TSPAN12: variants seen among roughly 807,000 people sequenced by gnomAD.
TSPAN12 encodes tetraspanin 12.
In TSPAN12, 19 loss-of-function variants were observed where a neutral mutation model predicts 39.2. That is an observed-to-expected ratio of 0.49 (90% CI 0.34 to 0.71). TSPAN12 has a LOEUF of 0.71. Among genes scored for constraint, TSPAN12 ranks in the 30% least tolerant of loss-of-function variants. The probability of loss-of-function intolerance (pLI) is 0.01; values close to 1 mark genes in which losing one functional copy is unlikely to be tolerated. For synonymous variants in TSPAN12, 119 were observed against 124.8 expected (o/e 0.95, Z 0.31); for missense variants, 314 against 359.9 (o/e 0.87, Z 1.03).
intron 4 of TSPAN12, among the ~76,000 whole-genome samples, chr7:120,816,584 T>G (rs1794087806): frequency 6.6e-6 from 1 of 152,068 alleles, no homozygotes; most frequent in Non-Finnish European, 1.5e-5. Context: ...CAGATCCATC[T>G]AGCTGGAGTG....
At chr7:120,831,845 T>C (rs1218947059) in intron 4 of TSPAN12, among the ~76,000 whole-genome samples, 3 of 152,056 alleles carry the variant, frequency 2.0e-5, no homozygotes, top group Non-Finnish European at 4.4e-5. Context: ...AATAAGTGGA[T>C]GCAGTGGATA....
chr7:120,800,962 G>C (rs1307158959), intron 7 of TSPAN12, among the ~76,000 whole-genome samples: 1 of 151,788 alleles, frequency 6.6e-6, no homozygotes, highest in African/African-American at 2.4e-5. Context: ...GCTAATTTTT[G>C]TATTTTTAGT....
intron 2 of TSPAN12, among the ~76,000 whole-genome samples, chr7:120,843,871 T>C (rs1794622799): frequency 6.6e-6 from 1 of 152,180 alleles, no homozygotes; most frequent in East Asian, 1.9e-4. Flanking sequence ...CCTTAAAACC[T>C]TGTAAGTATC....
chr7:120,843,100 C>G (rs1390476744), intron 2 of TSPAN12, among the ~76,000 whole-genome samples: 1 of 151,912 alleles, frequency 6.6e-6, no homozygotes, highest in African/African-American at 2.4e-5. Flanking sequence ...AGTCAATGGC[C>G]TATAAGTTAG....
chr7:120,840,519 G>C (rs986933797), intron 2 of TSPAN12, among the ~76,000 whole-genome samples: 1 of 152,040 alleles, frequency 6.6e-6, no homozygotes, highest in African/African-American at 2.4e-5. Context: ...AATTTAAAAC[G>C]ACTTCTATTG....
rs1040007601 is a variant in TSPAN12, at chr7:120,810,089, T to A, written c.468+374A>T. On this transcript the variant is annotated intron_variant, in intron 6 of 7. Transcript: ENST00000222747. ...CCCAAATGAGAACAATCATTTTTTT[T>A]AAAACTAAAATTATGTTTAAAATAT... Among the ~76,000 whole-genome samples the A allele has an allele frequency of 3.3e-5, 5 of 152,256 alleles. No homozygotes were observed. In the East Asian group the frequency reaches 5.8e-4, roughly 18 times the overall value.
intron 7 of TSPAN12, among the ~76,000 whole-genome samples, chr7:120,790,307 G>A (rs747835573): frequency 6.4e-4 from 98 of 152,288 alleles, no homozygotes; most frequent in Middle Eastern, 3.4e-3. Context: ...TTTGGGGCAA[G>A]TTACTTAATC....
intron 2 of TSPAN12, among the ~76,000 whole-genome samples, chr7:120,847,513 T>G (rs1394071227): frequency 1.3e-5 from 2 of 152,220 alleles, no homozygotes; most frequent in Non-Finnish European, 2.9e-5. Flanking sequence ...AAAACCTGTA[T>G]GTCCCTCCCA....
At chr7:120,825,713 C>T (rs1030254545) in intron 4 of TSPAN12, among the ~76,000 whole-genome samples, 5 of 152,058 alleles carry the variant, frequency 3.3e-5, no homozygotes, top group African/African-American at 1.2e-4. Context: ...AATTCCATTG[C>T]CAAATATTTG....
At chr7:120,832,090 G>A (rs1794400514) in intron 4 of TSPAN12, among the ~76,000 whole-genome samples, 1 of 151,934 alleles carries the variant, frequency 6.6e-6, no homozygotes, top group Non-Finnish European at 1.5e-5. Context: ...CTGATGTCAA[G>A]CAATACAAAC....
chr7:120,842,526 T>C (rs1794597983), intron 2 of TSPAN12, among the ~76,000 whole-genome samples: 1 of 147,212 alleles, frequency 6.8e-6, no homozygotes, highest in Non-Finnish European at 1.5e-5. Context: ...TCCTGAGAGG[T>C]AAGAGCTGGG....
intron 5 of TSPAN12, chr7:120,814,140 A>T: frequency 6.6e-6 from 3 of 454,112 alleles, no homozygotes; most frequent in Non-Finnish European, 1.3e-5. Context: ...AGTATTCAAA[A>T]CAGTCTCGAA....
chr7:120,844,228 T>C (rs1794630759), intron 2 of TSPAN12, among the ~76,000 whole-genome samples: 1 of 152,152 alleles, frequency 6.6e-6, no homozygotes. Context: ...TCCACAACAC[T>C]GAGGATCACA....
chr7:120,845,361 T>C (rs1794651079), intron 2 of TSPAN12, among the ~76,000 whole-genome samples: 1 of 152,248 alleles, frequency 6.6e-6, no homozygotes, highest in Admixed American at 6.5e-5. Context: ...GCAGCCAGTT[T>C]GAATTCCTTT....
chr7:120,806,625 T>A lies in TSPAN12; in HGVS notation c.536A>T (p.Asp179Val). The change falls in exon 7 of 8, where the codon GAT becomes GTT. Residue 179 changes from aspartate (D) to valine (V), a missense_variant. By Grantham distance (152) the Asp-to-Val change is radical. Transcript: ENST00000222747. ...TGGGAATTCTCTAACACAGCAGGAA[T>A]CTGGGGGCCAGTCCATCTCTGTCAT... is the stretch of plus-strand genomic sequence containing the variant. ...LEMTEMDWPP[D>V]SCCVREFPGC... is the part of the protein sequence containing the mutation. 1 of 1,613,618 alleles carries A rather than the reference T, an allele frequency of 6.2e-7. No individual in the cohort carries two copies. The highest frequency in any genetic ancestry group is 8.5e-7 in the Non-Finnish European group (1 of 1,179,672).
intron 7 of TSPAN12, among the ~76,000 whole-genome samples, chr7:120,791,345 T>C (rs1182684894): frequency 6.6e-6 from 1 of 151,820 alleles, no homozygotes; most frequent in Non-Finnish European, 1.5e-5. Context: ...AAAAAAGATT[T>C]AGAGGTAAAC....
intron 2 of TSPAN12, among the ~76,000 whole-genome samples, chr7:120,852,562 C>G (rs571144848): frequency 6.6e-6 from 1 of 152,308 alleles, no homozygotes; most frequent in South Asian, 2.1e-4. Context: ...TCAGATAGAA[C>G]GCACAACATA....
chr7:120,856,855 G>T, intron 1 of TSPAN12, 22 bp from the exon 2 acceptor site: 1 of 1,357,606 alleles, frequency 7.4e-7, no homozygotes, highest in Non-Finnish European at 1.1e-6. Context: ...GGGGGAGAGA[G>T]AACACGGGAC....
chr7:120,838,268 C>T (rs1794514848), intron 4 of TSPAN12, among the ~76,000 whole-genome samples: 2 of 152,108 alleles, frequency 1.3e-5, no homozygotes, highest in South Asian at 4.1e-4. Context: ...TTAAAAAGTA[C>T]CTAGTGCAAC....
Sources: allele counts gnomAD v4.1 joint callset (sites outside exome capture counted in the v4.1 genomes callset), GRCh38; gene constraint gnomAD v4.1.1; transcripts MANE v1.5; gene names NCBI Gene and HGNC (gene_info 2026-07-23, HGNC 2026-07-21).